The following INSYN2B variants were observed in gnomAD, a reference collection of about 807,000 sequenced individuals.
INSYN2B encodes protein INSYN2B.
A neutral mutation model predicts 41.2 loss-of-function variants in INSYN2B; 16 were observed. The observed-to-expected ratio is 0.39, with a 90% CI of 0.26 to 0.59. The LOEUF (loss-of-function observed/expected upper bound fraction) is 0.59. Among genes scored for constraint, INSYN2B ranks in the 20% least tolerant of loss-of-function variants. The pLI is 0.57. For missense variants in INSYN2B, 608 were observed against 646.4 expected (o/e 0.94, Z 0.64); for synonymous variants, 245 against 244.4 (o/e 1.00, Z -0.02).
chr5:169,899,177 G>A (rs949335903), intron 1 of INSYN2B, among the ~76,000 whole-genome samples: 3 of 152,210 alleles, frequency 2.0e-5, no homozygotes, highest in Non-Finnish European at 4.4e-5. Context: ...TTAGCAAAGA[G>A]GAGAATGATG....
At chr5:169,930,350 C>G (rs1775687780) in intron 1 of INSYN2B, among the ~76,000 whole-genome samples, 1 of 152,208 alleles carries the variant, frequency 6.6e-6, no homozygotes, top group African/African-American at 2.4e-5. Flanking sequence ...AGAAGACACT[C>G]TGGCTTTAGT....
At chr5:169,912,955 T>G (rs907819846) in intron 1 of INSYN2B, among the ~76,000 whole-genome samples, 1 of 152,172 alleles carries the variant, frequency 6.6e-6, no homozygotes, top group African/African-American at 2.4e-5. Flanking sequence ...GAAAGACAAT[T>G]TAATGGGTGA....
intron 1 of INSYN2B, among the ~76,000 whole-genome samples, chr5:169,923,229 T>C (rs1349847991): frequency 1.3e-5 from 2 of 152,168 alleles, no homozygotes; most frequent in African/African-American, 4.8e-5. Context: ...TGATTCAGAT[T>C]GAGATGTTTT....
At chr5:169,951,379 A>C (rs1018039375) in intron 1 of INSYN2B, among the ~76,000 whole-genome samples, 4 of 152,200 alleles carry the variant, frequency 2.6e-5, no homozygotes, top group Non-Finnish European at 4.4e-5. Context: ...AACACAACAC[A>C]TGGTGGAGTC....
At chr5:169,955,579 G>A (rs145570567) in intron 1 of INSYN2B, among the ~76,000 whole-genome samples, 7 of 152,190 alleles carry the variant, frequency 4.6e-5, no homozygotes, top group African/African-American at 1.7e-4. Flanking sequence ...GTATGACCTT[G>A]TTGGTTCTTT....
intron 1 of INSYN2B, among the ~76,000 whole-genome samples, chr5:169,887,687 AT>A (rs1773049569): frequency 6.6e-6 from 1 of 152,240 alleles, no homozygotes; most frequent in African/African-American, 2.4e-5. Flanking sequence ...ATAAATAAAC[AT>A]TTTTATGTAA....
intron 1 of INSYN2B, among the ~76,000 whole-genome samples, chr5:169,968,720 A>G (rs1777390119): frequency 6.6e-6 from 1 of 152,152 alleles, no homozygotes; most frequent in Non-Finnish European, 1.5e-5. Context: ...TAGGAAGGGT[A>G]CTCCCTGGGT....
At chr5:169,920,452 G>GT (rs1300547395) in intron 1 of INSYN2B, among the ~76,000 whole-genome samples, 1 of 152,100 alleles carries the variant, frequency 6.6e-6, no homozygotes. Flanking sequence ...TTGTAAGGTG[G>GT]TTTTTTTCCC....
intron 1 of INSYN2B, among the ~76,000 whole-genome samples, chr5:169,970,432 A>G (rs1289132124): frequency 6.6e-6 from 1 of 152,238 alleles, no homozygotes; most frequent in African/African-American, 2.4e-5. Context: ...AAGAACAATC[A>G]CTTTGTTTGT....
At chr5:169,891,850 C>CT (rs1773301649) in intron 1 of INSYN2B, among the ~76,000 whole-genome samples, 1 of 151,982 alleles carries the variant, frequency 6.6e-6, no homozygotes, top group East Asian at 1.9e-4. Flanking sequence ...AAAAAATTCT[C>CT]TGAGTGTGGT....
intron 3 of INSYN2B, among the ~76,000 whole-genome samples, chr5:169,872,266 C>T (rs1772025223): frequency 6.6e-6 from 1 of 152,202 alleles, no homozygotes; most frequent in South Asian, 2.1e-4. Flanking sequence ...TCAATGGATG[C>T]AGCGAGAGTA....
At chr5:169,946,842 C>A (rs773972123) in intron 1 of INSYN2B, among the ~76,000 whole-genome samples, 1 of 152,286 alleles carries the variant, frequency 6.6e-6, no homozygotes, top group South Asian at 2.1e-4. Context: ...ATGGAAAGGG[C>A]CTTTAGGCTG....
chr5:169,963,885 G>A (rs1452494957), intron 1 of INSYN2B, among the ~76,000 whole-genome samples: 1 of 152,054 alleles, frequency 6.6e-6, no homozygotes, highest in African/African-American at 2.4e-5. Context: ...TAATTCAGTG[G>A]GTGTGGGGTG....
chr5:169,952,334 T>C (rs1776696138), intron 1 of INSYN2B, among the ~76,000 whole-genome samples: 1 of 152,118 alleles, frequency 6.6e-6, no homozygotes, highest in South Asian at 2.1e-4. Context: ...TATGTAAAAA[T>C]CAATGCAGCA....
At chr5:169,932,745 C>T (rs1775814082) in intron 1 of INSYN2B, among the ~76,000 whole-genome samples, 1 of 152,094 alleles carries the variant, frequency 6.6e-6, no homozygotes, top group Non-Finnish European at 1.5e-5. Context: ...AATGTGAATC[C>T]TCTCTGATCC....
At chr5:169,924,066 C>T (rs1775312511) in intron 1 of INSYN2B, among the ~76,000 whole-genome samples, 1 of 152,182 alleles carries the variant, frequency 6.6e-6, no homozygotes, top group South Asian at 2.1e-4. Context: ...CTTGTCTCCT[C>T]CTGCCACCCT....
intron 1 of INSYN2B, among the ~76,000 whole-genome samples, chr5:169,975,389 A>G (rs1292269265): frequency 6.6e-6 from 1 of 152,162 alleles, no homozygotes; most frequent in Non-Finnish European, 1.5e-5. Context: ...TTGTACTTAC[A>G]AGAAAATCCT....
In INSYN2B at chr5:169,939,839, G is replaced by C. The variant is rs74539248; in HGVS notation, c.-919+40438C>G. Reference sequence around the variant, plus strand: ...AACCTAGAGTTAGCTCCTTCTCTGTGTCAGGCACTGAATAAGGTACTTTGC... The same window carrying C: ...AACCTAGAGTTAGCTCCTTCTCTGTCTCAGGCACTGAATAAGGTACTTTGC... On this transcript the variant is annotated intron_variant, in intron 1 of 3. Transcript: ENST00000377365. 7.9e-3 allele frequency among the ~76,000 whole-genome samples: 1,204 copies of C among 152,320 alleles called. 56 individuals carry two copies. The East Asian group carries it at 0.13, about 17-fold the overall frequency.
chr5:169,958,098 G>T (rs1160299781), intron 1 of INSYN2B, among the ~76,000 whole-genome samples: 2 of 152,178 alleles, frequency 1.3e-5, no homozygotes, highest in Non-Finnish European at 2.9e-5. Flanking sequence ...ATGAGTGCAA[G>T]TGTGAAACAT....
Sources: allele counts gnomAD v4.1 joint callset (sites outside exome capture counted in the v4.1 genomes callset), GRCh38; gene constraint gnomAD v4.1.1; transcripts MANE v1.5; gene names NCBI Gene and HGNC (gene_info 2026-07-23, HGNC 2026-07-21).